The following UNC80 variants were observed in gnomAD, a reference collection of about 807,000 sequenced individuals.
UNC80 encodes the protein protein unc-80 homolog.
UNC80 carries 164 observed loss-of-function variants against 384.6 expected under a neutral mutation model. That is an observed-to-expected ratio of 0.43 (90% CI 0.38 to 0.49). The LOEUF (loss-of-function observed/expected upper bound fraction) is 0.49. Among genes scored for constraint, UNC80 ranks in the 20% least tolerant of loss-of-function variants. The pLI is 0.00. For missense variants in UNC80, 3,330 were observed against 4,143.0 expected (o/e 0.80, Z 5.39); for synonymous variants, 1,486 against 1,527.8 (o/e 0.97, Z 0.64).
intron 26 of UNC80, among the ~76,000 whole-genome samples, chr2:209,889,992 C>G (rs2086181281): frequency 6.6e-6 from 1 of 152,020 alleles, no homozygotes; most frequent in Non-Finnish European, 1.5e-5. Context: ...GCCAACGTGC[C>G]CAGCTACTTG....
intron 48 of UNC80, among the ~76,000 whole-genome samples, chr2:209,955,022 G>T (rs1485871251): frequency 3.9e-5 from 6 of 152,180 alleles, no homozygotes; most frequent in Non-Finnish European, 7.3e-5. Context: ...GAAGGTGGAT[G>T]CAGGACACTA....
intron 22 of UNC80, among the ~76,000 whole-genome samples, chr2:209,852,686 T>C (rs2082616302): frequency 6.6e-6 from 1 of 152,124 alleles, no homozygotes; most frequent in African/African-American, 2.4e-5. Context: ...CTGTCATTTG[T>C]ACAGATGTGA....
At chr2:209,779,837 G>T (rs1425852927) in intron 4 of UNC80, among the ~76,000 whole-genome samples, 3 of 152,180 alleles carry the variant, frequency 2.0e-5, no homozygotes, top group Non-Finnish European at 2.9e-5. Flanking sequence ...AAAAATGTGG[G>T]AATATAGGAG....
Position 209,820,632 on chromosome 2 carries a change from G to A in UNC80, c.2284G>A (p.Gly762Arg). ...AGGAGGTGATGGAGGAGGAGGTGGA[G>A]GAGGTGGAGGCGGCCCTTATGAGAA... ...GGGGDGGGGG[G>R]GGGGPYEKND... is the part of the protein sequence containing the mutation. Residue 762 changes from glycine to arginine, a missense_variant, in exon 13 of 65, where the codon GGA becomes AGA. By Grantham distance (125) the Gly-to-Arg change is moderately radical (BLOSUM62 -2). Coordinates refer to ENST00000673920, the MANE Select transcript of UNC80 (RefSeq NM_001371986.1). 6.4e-7 allele frequency: 1 copy of A among 1,550,678 alleles called. No homozygotes were observed. Among genetic ancestry groups the A allele is most frequent in the East Asian group, 2.4e-5 (1 of 40,944 alleles).
At chr2:209,898,988 A>G (rs13007357) in intron 28 of UNC80, among the ~76,000 whole-genome samples, 15,102 of 152,206 alleles carry the variant, frequency 0.099, 908 homozygotes, top group South Asian at 0.26. Flanking sequence ...TCTATTGTGT[A>G]TATGTACCAC....
Position 209,819,273 on chromosome 2 carries a change from G to C in UNC80, c.1962+12G>C. ...TGCTTGATCTTTCTGTAAGAAGCAAGAATTTTTCTTACCAAAGTTAGACAG... is the reference window on the plus strand; with the variant it reads ...TGCTTGATCTTTCTGTAAGAAGCAACAATTTTTCTTACCAAAGTTAGACAG... On this transcript the variant is annotated intron_variant, in intron 12 of 64. Transcript: ENST00000673920. The C allele has an allele frequency of 6.5e-7, 1 of 1,539,566 alleles. No individual in the cohort carries two copies. The highest frequency in any genetic ancestry group is 8.8e-7 in the Non-Finnish European group (1 of 1,140,374).
intron 23 of UNC80, among the ~76,000 whole-genome samples, chr2:209,877,017 G>A (rs756220205): frequency 4.6e-5 from 7 of 152,088 alleles, no homozygotes; most frequent in Admixed American, 6.6e-5. Context: ...CTAAATATTT[G>A]CAAAGTATGA....
At chr2:209,840,436 C>A in intron 19 of UNC80, 106 bp from the exon 20 acceptor site, 1 of 912,820 alleles carries the variant, frequency 1.1e-6, no homozygotes, top group Non-Finnish European at 1.7e-6. Context: ...TCTATTTATA[C>A]CAAGCCATGT....
chr2:209,945,256 A>G (rs2091857321), intron 46 of UNC80, 67 bp downstream of exon 46: 1 of 1,422,818 alleles, frequency 7.0e-7, no homozygotes, highest in Non-Finnish European at 9.4e-7. Flanking sequence ...TATATGTATT[A>G]TACACACATA....
intron 20 of UNC80, 89 bp downstream of exon 20, chr2:209,840,737 C>A: frequency 9.5e-7 from 1 of 1,049,758 alleles, no homozygotes; most frequent in Non-Finnish European, 1.4e-6. Context: ...CTGCAGGGGC[C>A]AAATAAGGAA....
intron 58 of UNC80, among the ~76,000 whole-genome samples, chr2:209,977,300 T>G (rs1457954200): frequency 6.6e-6 from 1 of 152,244 alleles, no homozygotes; most frequent in Non-Finnish European, 1.5e-5. Flanking sequence ...AAGGATATCA[T>G]AAGAATTTAG....
At chr2:209,909,703 T>TA (rs1476438252) in intron 29 of UNC80, among the ~76,000 whole-genome samples, 6 of 152,156 alleles carry the variant, frequency 3.9e-5, no homozygotes, top group Admixed American at 2.0e-4. Flanking sequence ...TTTGCATTGG[T>TA]AATCTAATCA....
intron 29 of UNC80, among the ~76,000 whole-genome samples, chr2:209,905,245 A>G (rs1249630120): frequency 6.6e-6 from 1 of 152,204 alleles, no homozygotes; most frequent in Non-Finnish European, 1.5e-5. Context: ...GTTAGGCAGA[A>G]TAATGCCTCT....
chr2:209,965,140 CAA>C (rs2092707321), intron 51 of UNC80, among the ~76,000 whole-genome samples: 1 of 151,884 alleles, frequency 6.6e-6, no homozygotes, highest in African/African-American at 2.4e-5. Flanking sequence ...ATAAGTAAAA[CAA>C]GAGTCACTGT....
intron 38 of UNC80, 38 bp from the exon 39 acceptor site, chr2:209,933,784 A>T: frequency 6.7e-7 from 1 of 1,499,596 alleles, no homozygotes; most frequent in Non-Finnish European, 9.0e-7. Flanking sequence ...GCTCGGGATT[A>T]TTGTAGCTTT....
In UNC80 at chr2:209,849,431, C is replaced by G. The variant is rs776208851; in HGVS notation, c.3455-20C>G. 3 of 1,550,248 alleles carry G rather than the reference C, an allele frequency of 1.9e-6. No individual in the cohort carries two copies. The highest frequency in any genetic ancestry group is 1.4e-5 in the African/African-American group (1 of 72,976). ...ACGTTCTCTCTCTTTCATTCCTCCA[C>G]CATGGCACCACCTTTACAGGTTGCC... On this transcript the variant is annotated intron_variant, in intron 21 of 64. Coordinates refer to ENST00000673920, the MANE Select transcript of UNC80 (RefSeq NM_001371986.1).
chr2:209,834,419 G>A (rs931817233), intron 17 of UNC80, among the ~76,000 whole-genome samples: 2 of 152,104 alleles, frequency 1.3e-5, no homozygotes, highest in South Asian at 2.1e-4. Context: ...TGAACTACAC[G>A]TCATAGCTCT....
chr2:209,874,779 C>G (rs1425464724), intron 23 of UNC80, among the ~76,000 whole-genome samples: 2 of 152,158 alleles, frequency 1.3e-5, no homozygotes, highest in Non-Finnish European at 2.9e-5. Flanking sequence ...TTTTCAGATC[C>G]CAGACCTACA....
Position 209,831,092 on chromosome 2 carries a change from C to CT in UNC80, c.2627-340dup, listed in dbSNP as rs879335469. Reference sequence around the variant, plus strand: ...TCTCCATTGAGGGGTTATTTAGGAGCTTTTTTTTTTTCTTTTTTTTTCTGT... The same window carrying CT: ...TCTCCATTGAGGGGTTATTTAGGAGCTTTTTTTTTTTTCTTTTTTTTTCTGT... On this transcript the variant is annotated intron_variant, in intron 15 of 64. Coordinates refer to ENST00000673920, the MANE Select transcript of UNC80 (RefSeq NM_001371986.1). 8.2e-4 allele frequency among the ~76,000 whole-genome samples: 120 copies of CT among 146,154 alleles called. 2 individuals are homozygous for CT. In the East Asian group the frequency reaches 0.015, roughly 19 times the overall value.
Sources: allele counts gnomAD v4.1 joint callset (sites outside exome capture counted in the v4.1 genomes callset), GRCh38; gene constraint gnomAD v4.1.1; transcripts MANE v1.5; gene names NCBI Gene and HGNC (gene_info 2026-07-23, HGNC 2026-07-21).